The following UTP18 variants were observed in gnomAD, a reference collection of about 807,000 sequenced individuals.
UTP18 encodes UTP18 small subunit processome component, also known as U3 small nucleolar RNA-associated protein 18 homolog.
UTP18 carries 36 observed loss-of-function variants against 61.1 expected under a neutral mutation model. That is an observed-to-expected ratio of 0.59 (90% CI 0.45 to 0.78). The LOEUF (loss-of-function observed/expected upper bound fraction) is 0.78. UTP18 is among the 30% of genes least tolerant of loss of function. UTP18 has a pLI of 0.00. For synonymous variants in UTP18, 282 were observed against 251.1 expected (o/e 1.12, Z -1.16); for missense variants, 753 against 693.9 (o/e 1.09, Z -0.96).
At chr17:51,273,632 G>A (rs961870263) in intron 5 of UTP18, among the ~76,000 whole-genome samples, 182 bp downstream of exon 5, 57 of 150,216 alleles carry the variant, frequency 3.8e-4, no homozygotes, top group African/African-American at 1.4e-3. Flanking sequence ...AAATGTTCTA[G>A]AGGTATTATG....
At chr17:51,267,461 G>GT (rs199741655) in intron 3 of UTP18, among the ~76,000 whole-genome samples, 56,877 of 141,486 alleles carry the variant, frequency 0.4, 12,308 homozygotes, top group East Asian at 0.6. Context: ...TTTTTTTTTG[G>GT]TTTTTTTTTT....
intron 11 of UTP18, among the ~76,000 whole-genome samples, chr17:51,290,045 T>C (rs946827011): frequency 6.6e-6 from 1 of 152,170 alleles, no homozygotes; most frequent in Non-Finnish European, 1.5e-5. Flanking sequence ...CTAAGCTCCT[T>C]AACTTGTATC....
intron 11 of UTP18, among the ~76,000 whole-genome samples, chr17:51,289,918 A>G (rs1427133682): frequency 6.6e-6 from 1 of 152,218 alleles, no homozygotes; most frequent in East Asian, 1.9e-4. Flanking sequence ...AATAAAGGGC[A>G]GAATTGTGAT....
chr17:51,260,992 C>A (rs1486944709), intron 1 of UTP18, 66 bp downstream of exon 1: 1 of 1,342,058 alleles, frequency 7.5e-7, no homozygotes, highest in South Asian at 1.9e-5. Context: ...CGGTGAAGCT[C>A]CGGGGGGCGG....
chr17:51,297,425 C>T (rs926785619), intron 13 of UTP18, among the ~76,000 whole-genome samples: 7 of 152,146 alleles, frequency 4.6e-5, no homozygotes, highest in East Asian at 1.9e-4. Flanking sequence ...GATAATGGGG[C>T]TGGCCATTAG....
intron 9 of UTP18, among the ~76,000 whole-genome samples, chr17:51,284,099 G>A (rs1176015266): frequency 6.6e-6 from 1 of 152,142 alleles, no homozygotes; most frequent in African/African-American, 2.4e-5. Flanking sequence ...TTTAATATTT[G>A]ATCCTATTCA....
chr17:51,280,376 T>C lies in UTP18; in HGVS notation c.1114-13T>C. 6.2e-7 allele frequency: 1 copy of C among 1,611,166 alleles called. No homozygotes were observed. The highest frequency in any genetic ancestry group is 8.5e-7 in the Non-Finnish European group (1 of 1,178,118). ...CTTTCTAACAGTTTGATAAATAATA[T>C]TTATTGTTTTAGACCAAAGAACTGA... is the stretch of plus-strand genomic sequence containing the variant. On this transcript the variant is annotated splice_polypyrimidine_tract_variant and intron_variant, in intron 8 of 13. Coordinates refer to ENST00000225298, the MANE Select transcript of UTP18 (RefSeq NM_016001.3).
At chr17:51,269,852 TG>T (rs1365463465) in intron 4 of UTP18, among the ~76,000 whole-genome samples, 1 of 151,668 alleles carries the variant, frequency 6.6e-6, no homozygotes, top group Admixed American at 6.6e-5. Context: ...TGTGTGTGTG[TG>T]TGTGTGTGTG....
At chr17:51,277,779 A>G (rs1027842143) in intron 7 of UTP18, among the ~76,000 whole-genome samples, 4 of 152,230 alleles carry the variant, frequency 2.6e-5, no homozygotes, top group African/African-American at 9.6e-5. Context: ...TTAAAGAATG[A>G]ACTACTTAAA....
At chr17:51,264,249 G>A (rs918168024) in intron 2 of UTP18, among the ~76,000 whole-genome samples, 1 of 151,894 alleles carries the variant, frequency 6.6e-6, no homozygotes, top group Non-Finnish European at 1.5e-5. Context: ...GTTTTGCTAC[G>A]TTGGCCAGGC....
chr17:51,277,271 G>C lies in UTP18; in HGVS notation c.979G>C (p.Ala327Pro). 1 of 1,614,038 alleles carries C rather than the reference G, an allele frequency of 6.2e-7. No homozygotes were observed. Among genetic ancestry groups the C allele is most frequent in the South Asian group, 1.1e-5 (1 of 91,070 alleles). The change falls in exon 7 of 14, where the codon GCT becomes CCT. Residue 327 changes from alanine to proline, a missense_variant. Physicochemically the swap from Ala to Pro is conservative, Grantham distance 27. Coordinates refer to ENST00000225298, the MANE Select transcript of UTP18 (RefSeq NM_016001.3). ...SKVLYVYDML[A>P]GKLIPVHQVR... ...GGTTCTTTATGTCTATGACATGCTGGCTGGAAAGTTAATTCCTGTGCATCA... is the reference window on the plus strand; with the variant it reads ...GGTTCTTTATGTCTATGACATGCTGCCTGGAAAGTTAATTCCTGTGCATCA...
At chr17:51,284,187 G>C (rs1440338927) in intron 9 of UTP18, among the ~76,000 whole-genome samples, 4 of 152,188 alleles carry the variant, frequency 2.6e-5, no homozygotes, top group Non-Finnish European at 5.9e-5. Flanking sequence ...TTAGGGAGTT[G>C]AAACTGAGAT....
chr17:51,277,087 T>G, intron 6 of UTP18, 43 bp from the exon 7 acceptor site: 1 of 1,585,524 alleles, frequency 6.3e-7, no homozygotes, highest in Non-Finnish European at 8.6e-7. Context: ...GGATACAGGG[T>G]CTGTGGAAAT....
chr17:51,286,672 C>G, intron 10 of UTP18: 2 of 421,438 alleles, frequency 4.7e-6, no homozygotes, highest in Non-Finnish European at 9.5e-6. Flanking sequence ...CCTACCCATA[C>G]CCGTGCCAAC....
intron 4 of UTP18, among the ~76,000 whole-genome samples, chr17:51,269,681 A>G (rs1392677578): frequency 6.6e-6 from 1 of 152,120 alleles, no homozygotes; most frequent in African/African-American, 2.4e-5. Context: ...ATATAATTCT[A>G]TTAGAAAAGA....
At chr17:51,265,892 T>C (rs996860616) in intron 2 of UTP18, among the ~76,000 whole-genome samples, 4 of 152,210 alleles carry the variant, frequency 2.6e-5, no homozygotes, top group African/African-American at 9.6e-5. Context: ...TTTAACTCTT[T>C]GATTTACTTG....
intron 9 of UTP18, among the ~76,000 whole-genome samples, chr17:51,283,478 T>C (rs186761734): frequency 1.3e-5 from 2 of 152,186 alleles, no homozygotes; most frequent in East Asian, 3.9e-4. Flanking sequence ...CCTTTTCTTA[T>C]TCTGTATGGA....
intron 11 of UTP18, among the ~76,000 whole-genome samples, chr17:51,289,371 A>ATTTTTTTTTT (rs58674308): frequency 7.2e-6 from 1 of 138,118 alleles, no homozygotes; most frequent in Non-Finnish European, 1.6e-5. Context: ...TCATTTTTGT[A>ATTTTTTTTTT]TTTTTTTTTT....
At chr17:51,267,461 G>GC (rs2055572440) in intron 3 of UTP18, among the ~76,000 whole-genome samples, 1 of 141,642 alleles carries the variant, frequency 7.1e-6, no homozygotes, top group African/African-American at 2.6e-5. Context: ...TTTTTTTTTG[G>GC]TTTTTTTTTT....
Sources: allele counts gnomAD v4.1 joint callset (sites outside exome capture counted in the v4.1 genomes callset), GRCh38; gene constraint gnomAD v4.1.1; transcripts MANE v1.5; gene names NCBI Gene and HGNC (gene_info 2026-07-23, HGNC 2026-07-21).